The following SCRIB variants were observed in gnomAD, a reference collection of about 807,000 sequenced individuals.
SCRIB encodes the protein protein scribble homolog.
Under a neutral mutation model 170.0 loss-of-function variants are expected in SCRIB, and 72 were observed. The observed-to-expected ratio is 0.42, with a 90% confidence interval of 0.35 to 0.52. The LOEUF (loss-of-function observed/expected upper bound fraction) is 0.52. Among genes scored for constraint, SCRIB ranks in the 20% least tolerant of loss-of-function variants. The probability of loss-of-function intolerance (pLI) is 0.02; values close to 1 mark genes in which losing one functional copy is unlikely to be tolerated. For synonymous variants in SCRIB, 1,298 were observed against 1,044.3 expected, an observed-to-expected ratio of 1.24 and a Z score of -4.68; for missense variants, 2,475 against 2,338.5, an observed-to-expected ratio of 1.06 and a Z score of -1.20.
At position 143,806,923 on chromosome 8, in the gene SCRIB, C is replaced by T. The variant is rs1554636724; in HGVS notation, c.2268+1G>A. The T allele has an allele frequency of 6.2e-7, 1 of 1,607,048 alleles. No homozygotes were observed. ...GAAAGGCCCTCCTAGGCAGTGCTCA[C>T]CTCGTCGTCCCCCTTATAGGGTGTG... On this transcript the variant is annotated splice_donor_variant, in intron 17 of 36. Transcript: ENST00000356994. LOFTEE classifies it high-confidence loss of function.
chr8:143,808,780 G>A lies in SCRIB; in HGVS notation c.1944C>T (p.Gly648=), dbSNP rs200621197. ...CCCGAGGAGCCCAGGGTGCGTGGGGGCCATTGTGCCAGCCCCCGGGAGCCA... is the reference window on the plus strand; with the variant it reads ...CCCGAGGAGCCCAGGGTGCGTGGGGACCATTGTGCCAGCCCCCGGGAGCCA... The part of the protein sequence containing the change: ...GPVAPGGWHN[G]PHAPWAPRAQ... The change falls in exon 15 of 37, where the codon GGC becomes GGT. Residue 648 remains glycine (G), a synonymous_variant. Coordinates refer to ENST00000356994, the MANE Select transcript of SCRIB (RefSeq NM_182706.5). The A allele has an allele frequency of 6.2e-7, 1 of 1,610,974 alleles. No homozygotes were observed. The highest frequency in any genetic ancestry group is 2.2e-5 in the East Asian group (1 of 44,852).
At position 143,802,785 on chromosome 8, in the gene SCRIB, G is replaced by C. The variant is rs932453361; in HGVS notation, c.3603+598C>G. Among the ~76,000 whole-genome samples, 3 of 152,236 alleles carry C rather than the reference G, an allele frequency of 2.0e-5. No individual in the cohort carries two copies. The South Asian group carries it at 6.2e-4, about 31-fold the overall frequency. ...GCCGTGCTGGTGGGGAGGACTCCTGGGGCCCCACCTCGCATCCCAACTCCC... is the reference window on the plus strand; with the variant it reads ...GCCGTGCTGGTGGGGAGGACTCCTGCGGCCCCACCTCGCATCCCAACTCCC... On this transcript the variant is annotated intron_variant, in intron 24 of 36. Transcript: ENST00000356994.
intron 9 of SCRIB, among the ~76,000 whole-genome samples, chr8:143,811,607 C>T (rs1184799480): frequency 6.6e-6 from 1 of 152,180 alleles, no homozygotes; most frequent in African/African-American, 2.4e-5. Flanking sequence ...CTGACCCTCT[C>T]CCATGGGTGC....
intron 17 of SCRIB, 65 bp from the exon 18 acceptor site, chr8:143,806,549 AGAAGACCCAGGAGGG>A (rs1815434584): frequency 1.5e-6 from 2 of 1,365,788 alleles, no homozygotes; most frequent in Non-Finnish European, 2.0e-6. Flanking sequence ...CTCCTTCTGC[AGAAGACCCAGGAGGG>A]GAAGACCCAC....
chr8:143,803,246 G>A, intron 24 of SCRIB, 137 bp downstream of exon 24: 3 of 821,126 alleles, frequency 3.7e-6, no homozygotes, highest in Non-Finnish European at 3.6e-6. Flanking sequence ...AGCCCGCACG[G>A]CTGATGCAGA....
At position 143,791,274 on chromosome 8, in the gene SCRIB, C is replaced by T. The variant is rs782533624; in HGVS notation, c.4857G>A (p.Val1619=). Reference sequence around the variant, plus strand: ...CGCCGGGTGAGGGCCTGCCCAGAAGCACCAGAGCCACTTCTCCATCCTCCT... The same window carrying T: ...CGCCGGGTGAGGGCCTGCCCAGAAGTACCAGAGCCACTTCTCCATCCTCCT... ...PQEEDGEVAL[V]LLGRPSPGAV... Residue 1619 remains valine (V), a synonymous_variant, in exon 37 of 37, where the codon GTG becomes GTA. Transcript: ENST00000356994. The T allele has an allele frequency of 6.5e-7, 1 of 1,540,196 alleles. No homozygotes were observed. The highest frequency in any genetic ancestry group is 2.0e-5 in the Admixed American group (1 of 48,832).
rs868933769 is a variant in SCRIB at position 143,792,756 on chromosome 8, C to T, written c.4129G>A (p.Val1377Met). The T allele has an allele frequency of 8.8e-6, 14 of 1,590,906 alleles. No homozygotes were observed. The highest frequency in any genetic ancestry group is 1.7e-4 in the Middle Eastern group (1 of 6,028). The change falls in exon 30 of 37, where the codon GTG becomes ATG. Residue 1377 changes from valine (V) to methionine (M), a missense_variant. Val to Met is a conservative substitution (Grantham distance 21). Around this residue, in one of 3 missense-constraint regions of SCRIB, gnomAD observed 1,966 missense variants for 1,742.9 expected, o/e 1.13. Coordinates refer to ENST00000356994, the MANE Select transcript of SCRIB (RefSeq NM_182706.5). Reference protein sequence around the residue: ...VPQAEGPPKRVSLVGADDLRK... With the variant: ...VPQAEGPPKRMSLVGADDLRK... ...AGGTCGTCAGCACCCACCAGGGACACGCGCTTAGGGGGGCCCTCGGCCTGG... is the reference window on the plus strand; with the variant it reads ...AGGTCGTCAGCACCCACCAGGGACATGCGCTTAGGGGGGCCCTCGGCCTGG...
chr8:143,792,523 ATCC>A lies in SCRIB; in HGVS notation c.4287_4289del (p.Glu1429del), dbSNP rs782605713. 1.3e-6 allele frequency: 2 copies of A among 1,556,714 alleles called. No homozygotes were observed. Among genetic ancestry groups the A allele is most frequent in the African/African-American group, 2.7e-5 (2 of 74,072 alleles). On this transcript the variant is annotated inframe_deletion, in exon 31 of 37. Coordinates refer to ENST00000356994, the MANE Select transcript of SCRIB (RefSeq NM_182706.5). The stretch of plus-strand genomic sequence containing the variant: ...TCGGGCTGGCCCAGGGTGGCTGCTC[ATCC>A]TCCTGTTCCTCCTCGCCCAGCGTCT...
At chr8:143,792,669 GC>G in intron 30 of SCRIB, 34 bp from the exon 31 acceptor site, 7 of 1,591,740 alleles carry the variant, frequency 4.4e-6, no homozygotes, top group Non-Finnish European at 6.0e-6. Context: ...GGCCAGACCA[GC>G]CGAGACCCAA....
intron 3 of SCRIB, 28 bp from the exon 4 acceptor site, chr8:143,813,754 G>C (rs762625633): frequency 6.2e-7 from 1 of 1,612,150 alleles, no homozygotes; most frequent in Non-Finnish European, 8.5e-7. Flanking sequence ...GAGGCCCTCG[G>C]ATGACCAGTC....
rs1135293 is a variant in SCRIB, at chr8:143,792,037, G to A, written c.4611C>T (p.Ala1537=). The change falls in exon 33 of 37, where the codon GCC becomes GCT. Residue 1537 remains alanine, a synonymous_variant. Transcript: ENST00000356994. ...GGGTGGGCGCAGGGGAAGGGGCCTCGGCCAGTCGCTCCAGGGGCCCCCGCG... is the reference window on the plus strand; with the variant it reads ...GGGTGGGCGCAGGGGAAGGGGCCTCAGCCAGTCGCTCCAGGGGCCCCCGCG... ...RGTRGPLERL[A]EAPSPAPTPS... 6.2e-5 allele frequency: 98 copies of A among 1,574,416 alleles called. No homozygotes were observed. The highest frequency in any genetic ancestry group is 1.4e-4 in the South Asian group (12 of 86,810).
intron 8 of SCRIB, among the ~76,000 whole-genome samples, chr8:143,812,614 G>GC (rs1349455769): frequency 6.6e-6 from 1 of 151,940 alleles, no homozygotes; most frequent in African/African-American, 2.4e-5. Context: ...AGACTCCACC[G>GC]CCCCCTCCAG....
chr8:143,812,959 C>T lies in SCRIB; in HGVS notation c.645G>A (p.Glu215=). The T allele has an allele frequency of 6.2e-7, 1 of 1,612,748 alleles. No individual in the cohort carries two copies. The highest frequency in any genetic ancestry group is 8.5e-7 in the Non-Finnish European group (1 of 1,179,884). Residue 215 remains glutamate, a splice_region_variant and synonymous_variant, in exon 8 of 37, where the codon GAG becomes GAA. Coordinates refer to ENST00000356994, the MANE Select transcript of SCRIB (RefSeq NM_182706.5). ...ACACCAGGCGCCGCAGGTTCCCGAG[C>T]TCCTGCAGGTGGGCAGAGAGTCAGA... is the stretch of plus-strand genomic sequence containing the variant. ...DRNQLSALPP[E]LGNLRRLVCL...
Position 143,812,281 on chromosome 8 carries a change from C to T in SCRIB, c.891G>A (p.Thr297=), listed in dbSNP as rs758847188. The change falls in exon 9 of 37, where the codon ACG becomes ACA. Residue 297 remains threonine (T), a synonymous_variant. Transcript: ENST00000356994. ...CAGACCCTACCATCAGCAGGTTCTC[C>T]GTGAGGATCAGCTCAGAGAGGTTCT... is the stretch of plus-strand genomic sequence containing the variant. ...DCENLSELIL[T]ENLLMALPRS... 1.7e-5 allele frequency: 28 copies of T among 1,609,318 alleles called. No individual in the cohort carries two copies. The highest frequency in any genetic ancestry group is 2.2e-5 in the East Asian group (1 of 44,870).
chr8:143,812,153 C>T (rs1815761384), intron 9 of SCRIB, 113 bp downstream of exon 9: 1 of 784,478 alleles, frequency 1.3e-6, no homozygotes, highest in Non-Finnish European at 2.3e-6. Context: ...TCCTGAGTGG[C>T]TCCACGTCAG....
chr8:143,813,242 C>T (rs1177467518), intron 6 of SCRIB, 69 bp downstream of exon 6: 4 of 1,601,998 alleles, frequency 2.5e-6, no homozygotes, highest in South Asian at 2.2e-5. Flanking sequence ...GATCTGCTCG[C>T]TGTCCCCTTC....
intron 4 of SCRIB, 41 bp downstream of exon 4, chr8:143,813,590 ATCCTGG>A: frequency 6.2e-7 from 1 of 1,612,058 alleles, no homozygotes; most frequent in South Asian, 1.1e-5. Context: ...GGCAGGGCCA[ATCCTGG>A]TCCCCCACCC....
Position 143,809,653 on chromosome 8 carries a change from A to G in SCRIB, c.1596T>C (p.Ser532=), listed in dbSNP as rs752073899. 3 of 1,611,356 alleles carry G rather than the reference A, an allele frequency of 1.9e-6. No individual in the cohort carries two copies. The highest frequency in any genetic ancestry group is 1.7e-6 in the Non-Finnish European group (2 of 1,179,894). ...EDSRPSASTV[S]EAEPEGPSAE... is the part of the protein sequence containing the mutation. The stretch of plus-strand genomic sequence containing the variant: ...CCGACGGGCCCTCGGGCTCAGCCTC[A>G]GAGACTGTGCTGGCAGATGGGCGAG... Residue 532 remains serine, a synonymous_variant, in exon 14 of 37, where the codon TCT becomes TCC. Coordinates refer to ENST00000356994, the MANE Select transcript of SCRIB (RefSeq NM_182706.5).
chr8:143,809,129 C>T (rs1217929679), intron 14 of SCRIB, 104 bp from the exon 15 acceptor site: 21 of 1,428,294 alleles, frequency 1.5e-5, no homozygotes, highest in South Asian at 6.9e-5. Flanking sequence ...AAAGCCTCCC[C>T]GCCACACAAA....
Sources: allele counts gnomAD v4.1 joint callset (sites outside exome capture counted in the v4.1 genomes callset), GRCh38; gene constraint gnomAD v4.1.1; regional missense constraint gnomAD v4.1.1; transcripts MANE v1.5; gene names NCBI Gene and HGNC (gene_info 2026-07-23, HGNC 2026-07-21).